DENND1B: variants seen among roughly 807,000 people sequenced by gnomAD.
DENND1B encodes DENN domain containing 1B.
DENND1B carries 59 observed loss-of-function variants against 90.1 expected under a neutral mutation model. That is an observed-to-expected ratio of 0.65 (90% CI 0.53 to 0.81). The LOEUF (loss-of-function observed/expected upper bound fraction) is 0.81, where lower values mean the gene tolerates loss of function less well. Ranked by LOEUF, DENND1B falls within the 40% of genes least tolerant of loss-of-function variation. The pLI is 0.00. For synonymous variants in DENND1B, 337 were observed against 324.6 expected (o/e 1.04, Z -0.41); for missense variants, 862 against 912.6 (o/e 0.94, Z 0.71).
intron 3 of DENND1B, among the ~76,000 whole-genome samples, 190 bp downstream of exon 3, chr1:197,714,841 C>G (rs1293759945): frequency 1.3e-5 from 2 of 152,136 alleles, no homozygotes; most frequent in African/African-American, 4.8e-5. Context: ...CATCACCCAT[C>G]TACTTGGTAA....
At chr1:197,768,788 T>G (rs1656042057) in intron 2 of DENND1B, among the ~76,000 whole-genome samples, 1 of 152,044 alleles carries the variant, frequency 6.6e-6, no homozygotes, top group Admixed American at 6.6e-5. Context: ...CTTATGGCAT[T>G]TTTTTAGATT....
chr1:197,573,959 G>C (rs1328753820), intron 15 of DENND1B, among the ~76,000 whole-genome samples: 1 of 152,096 alleles, frequency 6.6e-6, no homozygotes, highest in Non-Finnish European at 1.5e-5. Context: ...AAAATAATAA[G>C]AGCTATTTAT....
chr1:197,605,932 T>A (rs1237009626), intron 13 of DENND1B: 1 of 151,032 alleles, frequency 6.6e-6, no homozygotes, highest in African/African-American at 2.4e-5. Context: ...ATTTTTGAGT[T>A]TAGGATTTTT....
intron 15 of DENND1B, among the ~76,000 whole-genome samples, chr1:197,567,674 A>G (rs1672792837): frequency 6.6e-6 from 1 of 152,164 alleles, no homozygotes; most frequent in Non-Finnish European, 1.5e-5. Context: ...ACAAATCAAT[A>G]AATGTGATAT....
At position 197,715,027 on chromosome 1, in the gene DENND1B, C is replaced by T; in HGVS notation, c.126+4G>A. 1.2e-6 allele frequency: 2 copies of T among 1,608,514 alleles called. No homozygotes were observed. Among genetic ancestry groups the T allele is most frequent in the Admixed American group, 1.7e-5 (1 of 59,888 alleles). On this transcript the variant is annotated splice_donor_region_variant and intron_variant, in intron 3 of 22. Coordinates refer to ENST00000620048, the MANE Select transcript of DENND1B (RefSeq NM_001195215.2). ...AATTTTTTAAAAAATTATGTGGTAC[C>T]AACCTGGTCTCCAAAGTCCTCTGGG...
At chr1:197,555,235 CCCTAGAAGAAAACCTTTCTT>C (rs150693197) in intron 15 of DENND1B, among the ~76,000 whole-genome samples, 1,844 of 152,132 alleles carry the variant, frequency 0.012, 19 homozygotes, top group African/African-American at 0.027. Context: ...AAACCTTTCT[CCCTAGAAGAAAACCTTTCTT>C]CCTAGAAGAA....
rs1389021035 is a variant in DENND1B, at chr1:197,775,339, C to G, written c.-184G>C. ...TGCGCCCCCGGCACTTCCCCGCCTC[C>G]CACCCCACCCACCAGAGCCTTTCTG... On this transcript the variant is annotated 5_prime_UTR_variant, in exon 1 of 23. Coordinates refer to ENST00000620048, the MANE Select transcript of DENND1B (RefSeq NM_001195215.2). 2.8e-6 allele frequency: 1 copy of G among 362,942 alleles called. No individual in the cohort carries two copies. Among genetic ancestry groups the G allele is most frequent in the Non-Finnish European group, 4.8e-6 (1 of 206,188 alleles). 22.5% of individuals were successfully genotyped at this position (362,942 alleles called of 1,614,324 possible).
chr1:197,583,068 T>C, intron 15 of DENND1B, 84 bp downstream of exon 15: 2 of 1,277,268 alleles, frequency 1.6e-6, no homozygotes, highest in Non-Finnish European at 1.1e-6. Flanking sequence ...CTACTCAGGG[T>C]TTGTACATAG....
At chr1:197,524,256 G>A (rs183432664) in intron 20 of DENND1B, among the ~76,000 whole-genome samples, 14 of 152,212 alleles carry the variant, frequency 9.2e-5, no homozygotes, top group African/African-American at 3.1e-4. Flanking sequence ...GTTGTTAAAA[G>A]TTGACAGGAT....
intron 2 of DENND1B, among the ~76,000 whole-genome samples, chr1:197,744,855 A>G (rs1663557013): frequency 6.6e-6 from 1 of 152,188 alleles, no homozygotes; most frequent in Non-Finnish European, 1.5e-5. Context: ...ACCTTCATCA[A>G]TGATCTTAGC....
intron 3 of DENND1B, among the ~76,000 whole-genome samples, chr1:197,675,874 G>A (rs1169788739): frequency 2.6e-5 from 4 of 151,606 alleles, no homozygotes; most frequent in Admixed American, 6.6e-5. Context: ...GACTCAAGAC[G>A]AACGCTTCCC....
At chr1:197,583,105 C>A (rs775026627) in intron 15 of DENND1B, 47 bp downstream of exon 15, 1 of 1,511,274 alleles carries the variant, frequency 6.6e-7, no homozygotes, top group Non-Finnish European at 9.2e-7. Context: ...ATGTGTAAAA[C>A]TGACAATGTT....
chr1:197,772,880 A>T lies in DENND1B; in HGVS notation c.70T>A (p.Ser24Thr). ...AGAAGACACATACCTTCATTTTCAGAGGCATGACATTTCACTTTCAACACC... is the reference window on the plus strand; with the variant it reads ...AGAAGACACATACCTTCATTTTCAGTGGCATGACATTTCACTTTCAACACC... ...DLVLKVKCHASENEDPVVLWK... is the reference protein window; with the variant it reads ...DLVLKVKCHATENEDPVVLWK... Residue 24 changes from serine (S) to threonine (T), a missense_variant, in exon 2 of 23, where the codon TCT becomes ACT. By Grantham distance (58) the Ser-to-Thr change is moderately conservative. Coordinates refer to ENST00000620048, the MANE Select transcript of DENND1B (RefSeq NM_001195215.2). The T allele has an allele frequency of 3.2e-6, 5 of 1,551,746 alleles. No homozygotes were observed. Among genetic ancestry groups the T allele is most frequent in the South Asian group, 2.4e-5 (2 of 84,016 alleles).
chr1:197,738,613 C>T (rs995640987), intron 2 of DENND1B, among the ~76,000 whole-genome samples: 5 of 152,186 alleles, frequency 3.3e-5, no homozygotes, highest in African/African-American at 1.2e-4. Context: ...TATTCCCAAA[C>T]ATTATTTACC....
chr1:197,752,405 C>G (rs1408893956), intron 2 of DENND1B, among the ~76,000 whole-genome samples: 1 of 151,906 alleles, frequency 6.6e-6, no homozygotes, highest in Non-Finnish European at 1.5e-5. Context: ...AATTAAAATC[C>G]TTCCCACAAG....
At chr1:197,752,022 AAGG>A (rs1378698813) in intron 2 of DENND1B, among the ~76,000 whole-genome samples, 7 of 150,930 alleles carry the variant, frequency 4.6e-5, no homozygotes, top group Middle Eastern at 3.4e-3. Flanking sequence ...GAAGGAAGAG[AAGG>A]AGGAGGAGAA....
intron 2 of DENND1B, among the ~76,000 whole-genome samples, chr1:197,765,738 A>G (rs1389336926): frequency 6.6e-6 from 1 of 152,240 alleles, no homozygotes; most frequent in East Asian, 1.9e-4. Context: ...TTTACAGTGG[A>G]AATCATGAAC....
intron 3 of DENND1B, among the ~76,000 whole-genome samples, chr1:197,677,004 C>T (rs192364467): frequency 6.6e-6 from 1 of 151,636 alleles, no homozygotes; most frequent in South Asian, 2.1e-4. Context: ...AAAGAATTTA[C>T]TTCAAAAAAA....
chr1:197,593,843 C>G (rs184019029), intron 14 of DENND1B, among the ~76,000 whole-genome samples: 29 of 152,210 alleles, frequency 1.9e-4, no homozygotes, highest in Admixed American at 7.2e-4. Flanking sequence ...CCTTCCCATA[C>G]TGTAAACTTG....
Sources: gnomAD v4.1 joint callset for allele counts (sites outside exome capture counted in the v4.1 genomes callset) on GRCh38, gnomAD v4.1.1 for gene constraint, MANE v1.5 for transcripts, NCBI Gene and HGNC (gene_info 2026-07-23, HGNC 2026-07-21) for gene names.